Variants in ZNF341 observed in about 807,000 individuals in gnomAD.
The protein encoded by ZNF341 is zinc finger protein 341.
In ZNF341, 52 loss-of-function variants were observed where a neutral mutation model predicts 87.7. The observed-to-expected ratio is 0.59, with a 90% CI of 0.47 to 0.75. ZNF341 has a LOEUF of 0.75. Among genes scored for constraint, ZNF341 ranks in the 30% least tolerant of loss-of-function variants. The pLI, the probability that ZNF341 is intolerant of heterozygous loss-of-function variation, is 0.00. For synonymous variants in ZNF341, 459 were observed against 472.7 expected, an observed-to-expected ratio of 0.97 and a Z score of 0.38; for missense variants, 977 against 1,145.9, an observed-to-expected ratio of 0.85 and a Z score of 2.13.
chr20:33,752,477 A>G, intron 4 of ZNF341: 1 of 541,406 alleles, frequency 1.8e-6, no homozygotes, highest in South Asian at 1.6e-5. Flanking sequence ...GTGTATTCTC[A>G]GGTCACCACC....
At chr20:33,767,807 A>G (rs1433648273) in intron 9 of ZNF341, among the ~76,000 whole-genome samples, 1 of 152,200 alleles carries the variant, frequency 6.6e-6, no homozygotes, top group Non-Finnish European at 1.5e-5. Flanking sequence ...AAATTCAAAG[A>G]AGAAATCCCT....
intron 14 of ZNF341, among the ~76,000 whole-genome samples, chr20:33,790,296 C>T (rs948765378): frequency 3.3e-5 from 5 of 152,138 alleles, no homozygotes; most frequent in Admixed American, 1.3e-4. Context: ...TGGTGTCGAA[C>T]TCCTGACCTC....
intron 5 of ZNF341, among the ~76,000 whole-genome samples, 157 bp from the exon 6 acceptor site, chr20:33,756,991 G>C (rs1393296236): frequency 6.6e-6 from 1 of 152,180 alleles, no homozygotes; most frequent in Non-Finnish European, 1.5e-5. Flanking sequence ...AAGGGAGCTT[G>C]GGAGTGGCTT....
chr20:33,746,228 C>CTTTTTTTTTTTTTTTTTTTT (rs34461652), intron 3 of ZNF341, among the ~76,000 whole-genome samples: 2 of 104,112 alleles, frequency 1.9e-5, no homozygotes, highest in African/African-American at 9.6e-5. Flanking sequence ...CGCGCCCGGC[C>CTTTTTTTTTTTTTTTTTTTT]TTTTTTTTTT....
chr20:33,779,880 T>G lies in ZNF341; in HGVS notation c.1623-1411T>G, dbSNP rs934087974. 1.8e-4 allele frequency among the ~76,000 whole-genome samples: 28 copies of G among 152,298 alleles called. 1 individual carries two copies. The highest frequency in any genetic ancestry group is 6.5e-4 in the African/African-American group (27 of 41,544). ...TTGGATCCCCATCTGTCTGACTCTT[T>G]AATGTAACAAGTTCTCACTGGTGCT... On this transcript the variant is annotated intron_variant, in intron 10 of 14. Transcript: ENST00000375200.
intron 10 of ZNF341, among the ~76,000 whole-genome samples, chr20:33,775,161 C>G (rs1055340302): frequency 6.6e-6 from 1 of 150,862 alleles, no homozygotes; most frequent in Non-Finnish European, 1.5e-5. Context: ...CATCTTTGCT[C>G]TTTTCTAAGT....
chr20:33,754,433 C>T (rs1346623575), intron 5 of ZNF341, among the ~76,000 whole-genome samples: 3 of 152,164 alleles, frequency 2.0e-5, no homozygotes, highest in Non-Finnish European at 4.4e-5. Flanking sequence ...AATCCAGCCA[C>T]AGACATCCCC....
chr20:33,791,365 G>C lies in ZNF341; in HGVS notation c.2413G>C (p.Val805Leu). Residue 805 changes from valine to leucine, a missense_variant, in exon 15 of 15, where the codon GTG (valine) becomes CTG (leucine). Coordinates refer to ENST00000375200, the MANE Select transcript of ZNF341 (RefSeq NM_001282933.2). The part of the protein sequence containing the change: ...AEPDAVLSIV[V>L]GGAVGAETEL... ...GCCGGACGCGGTGCTGTCCATCGTTGTGGGTGGTGCGGTGGGCGCGGAAAC... is the reference window on the plus strand; with the variant it reads ...GCCGGACGCGGTGCTGTCCATCGTTCTGGGTGGTGCGGTGGGCGCGGAAAC... The C allele has an allele frequency of 6.2e-7, 1 of 1,612,768 alleles. No individual in the cohort carries two copies. The highest frequency in any genetic ancestry group is 8.5e-7 in the Non-Finnish European group (1 of 1,179,670).
chr20:33,752,567 G>C, intron 4 of ZNF341: 1 of 379,564 alleles, frequency 2.6e-6, no homozygotes, highest in Non-Finnish European at 5.0e-6. Flanking sequence ...AGATGGAAAG[G>C]GAAGCCCTTC....
In ZNF341 at chr20:33,781,305, T is replaced by C. The variant is rs371447753; in HGVS notation, c.1637T>C (p.Val546Ala). 40 of 1,613,848 alleles carry C rather than the reference T, an allele frequency of 2.5e-5. No individual in the cohort carries two copies. The highest frequency in any genetic ancestry group is 3.1e-5 in the Non-Finnish European group (37 of 1,179,948). The change falls in exon 11 of 15, where the codon GTC (valine) becomes GCC (alanine). Residue 546 changes from valine to alanine, a missense_variant. Coordinates refer to ENST00000375200, the MANE Select transcript of ZNF341 (RefSeq NM_001282933.2). The stretch of plus-strand genomic sequence containing the variant: ...CTTCCACTTAGGTGTGTCAAATGTG[T>C]CAACAAATACTCCACCCCTGAGGCC... ...DNAVYKCVKC[V>A]NKYSTPEALE...
In ZNF341 at chr20:33,770,902, T is replaced by C. The variant is rs1461739782; in HGVS notation, c.1622+610T>C. 3.9e-5 allele frequency among the ~76,000 whole-genome samples: 6 copies of C among 151,992 alleles called. No homozygotes were observed. The East Asian group carries it at 7.8e-4, about 20-fold the overall frequency. Reference sequence around the variant, plus strand: ...TTGGGAGGCTGAGGCGGGCAGATGATGAGGTCAGGAGATGGAGACCATCCT... The same window carrying C: ...TTGGGAGGCTGAGGCGGGCAGATGACGAGGTCAGGAGATGGAGACCATCCT... On this transcript the variant is annotated intron_variant, in intron 10 of 14. Coordinates refer to ENST00000375200, the MANE Select transcript of ZNF341 (RefSeq NM_001282933.2).
At chr20:33,758,865 C>A in intron 7 of ZNF341, 59 bp downstream of exon 7, 2 of 1,479,552 alleles carry the variant, frequency 1.4e-6, no homozygotes, top group Non-Finnish European at 9.4e-7. Context: ...ACCATCTGTG[C>A]TGGAAGCGAG....
chr20:33,770,200 G>A lies in ZNF341; in HGVS notation c.1530G>A (p.Lys510=), dbSNP rs2019499174. The change falls in exon 10 of 15, where the codon AAG becomes AAA. Residue 510 remains lysine, a synonymous_variant. Coordinates refer to ENST00000375200, the MANE Select transcript of ZNF341 (RefSeq NM_001282933.2). ...GCTACCGCTGCCACCTCTGCGGCAA[G>A]GACTTCCCCTCGCTGTACGACCTGG... The part of the protein sequence containing the change: ...ELSYRCHLCG[K]DFPSLYDLGV... 6.2e-7 allele frequency: 1 copy of A among 1,614,200 alleles called. No homozygotes were observed. The highest frequency in any genetic ancestry group is 1.3e-5 in the African/African-American group (1 of 75,056).
intron 8 of ZNF341, among the ~76,000 whole-genome samples, chr20:33,764,561 ATTTTTTTTTTT>A (rs1164096634): frequency 4.0e-3 from 112 of 28,248 alleles, no homozygotes; most frequent in East Asian, 0.014. Context: ...ATATATATAT[ATTTTTTTTTTT>A]TTTTTTTTTT....
intron 4 of ZNF341, among the ~76,000 whole-genome samples, chr20:33,750,214 C>T (rs755073480): frequency 9.9e-5 from 15 of 152,158 alleles, no homozygotes; most frequent in Non-Finnish European, 1.9e-4. Flanking sequence ...GTGTCGGCCT[C>T]TCAAAGTGCT....
At position 33,757,189 on chromosome 20, in the gene ZNF341, C is replaced by G. The variant is rs199617228; in HGVS notation, c.783C>G (p.Pro261=). 1.3e-6 allele frequency: 2 copies of G among 1,539,600 alleles called. No individual in the cohort carries two copies. The highest frequency in any genetic ancestry group is 1.7e-6 in the Non-Finnish European group (2 of 1,144,544). The change falls in exon 6 of 15, where the codon CCC becomes CCG. Residue 261 remains proline (P), a synonymous_variant. Transcript: ENST00000375200. ...TGGAGCCTCCAGTATATCCCACCCC[C>G]ACAGTGTACAGCCCTGGCAAACAGG... is the stretch of plus-strand genomic sequence containing the variant. The part of the protein sequence containing the change: ...QCVEPPVYPT[P]TVYSPGKQGF...
At chr20:33,763,694 A>C (rs1316084241) in intron 8 of ZNF341, among the ~76,000 whole-genome samples, 2 of 152,150 alleles carry the variant, frequency 1.3e-5, no homozygotes, top group African/African-American at 4.8e-5. Flanking sequence ...GTTGATCAGA[A>C]GTTGAAAGCT....
chr20:33,745,381 G>C (rs1014270393), intron 3 of ZNF341, 82 bp downstream of exon 3: 1 of 1,388,940 alleles, frequency 7.2e-7, no homozygotes, highest in African/African-American at 1.4e-5. Flanking sequence ...TGGGGCTATA[G>C]CAATGGATAA....
rs183253685 is a variant in ZNF341, at chr20:33,763,743, A to G, written c.1222+1688A>G. Reference sequence around the variant, plus strand: ...GGTTAGTTGGTCTCCAAAGCTCTTTATACATGTGGGATTCTCATCATTTGT... The same window carrying G: ...GGTTAGTTGGTCTCCAAAGCTCTTTGTACATGTGGGATTCTCATCATTTGT... On this transcript the variant is annotated intron_variant, in intron 8 of 14. Coordinates refer to ENST00000375200, the MANE Select transcript of ZNF341 (RefSeq NM_001282933.2). 1.2e-4 allele frequency among the ~76,000 whole-genome samples: 19 copies of G among 152,312 alleles called. No individual in the cohort carries two copies. The East Asian group carries it at 3.7e-3, about 30-fold the overall frequency.
Sources: gnomAD v4.1 joint callset for allele counts (sites outside exome capture counted in the v4.1 genomes callset) on GRCh38, gnomAD v4.1.1 for gene constraint, MANE v1.5 for transcripts, NCBI Gene and HGNC (gene_info 2026-07-23, HGNC 2026-07-21) for gene names.